The following SGSM1 variants were observed in gnomAD, a reference collection of about 807,000 sequenced individuals.
SGSM1 encodes small G protein signaling modulator 1.
In SGSM1, 73 loss-of-function variants were observed where a neutral mutation model predicts 133.8. That is an observed-to-expected ratio of 0.55 (90% confidence interval 0.45 to 0.66). The LOEUF is 0.66. Ranked by LOEUF, SGSM1 falls within the 30% of genes least tolerant of loss-of-function variation. SGSM1 has a pLI of 0.00. For missense variants in SGSM1, 1,213 were observed against 1,448.1 expected (o/e 0.84, Z 2.64); for synonymous variants, 563 against 573.0 (o/e 0.98, Z 0.25).
At chr22:24,841,053 T>G (rs981678856) in intron 2 of SGSM1, among the ~76,000 whole-genome samples, 5 of 152,164 alleles carry the variant, frequency 3.3e-5, no homozygotes, top group East Asian at 3.9e-4. Flanking sequence ...GGTTTCACCG[T>G]GTTAGCCAAG....
At chr22:24,892,807 G>A (rs1026871233) in intron 16 of SGSM1, among the ~76,000 whole-genome samples, 8 of 151,416 alleles carry the variant, frequency 5.3e-5, no homozygotes, top group South Asian at 4.2e-4. Flanking sequence ...CCAGCACTTT[G>A]GGAGGCTGAG....
At chr22:24,865,576 C>T (rs1931400591) in intron 9 of SGSM1, among the ~76,000 whole-genome samples, 1 of 152,166 alleles carries the variant, frequency 6.6e-6, no homozygotes, top group Non-Finnish European at 1.5e-5. Flanking sequence ...GAGGTAGGAA[C>T]TGGCTAAGGT....
chr22:24,838,222 T>A (rs904292864), intron 2 of SGSM1, among the ~76,000 whole-genome samples: 4 of 152,198 alleles, frequency 2.6e-5, no homozygotes, highest in African/African-American at 7.2e-5. Context: ...AGGGATTTGG[T>A]CTAGGTCCTG....
chr22:24,859,621 G>A (rs141728644), intron 8 of SGSM1, 95 bp from the exon 9 acceptor site: 28 of 1,544,310 alleles, frequency 1.8e-5, no homozygotes, highest in Non-Finnish European at 2.4e-5. Context: ...CAACCTCTTA[G>A]TTCTGATTAT....
At chr22:24,863,916 T>C (rs895249939) in intron 9 of SGSM1, among the ~76,000 whole-genome samples, 1 of 149,088 alleles carries the variant, frequency 6.7e-6, no homozygotes, top group Non-Finnish European at 1.5e-5. Context: ...TAATTTTGTA[T>C]TTTTAGTAGA....
In SGSM1 at chr22:24,886,617, G is replaced by T. The variant is rs200828306; in HGVS notation, c.1659G>T (p.Glu553Asp). The T allele has an allele frequency of 1.8e-5, 28 of 1,552,820 alleles. No individual in the cohort carries two copies. Among genetic ancestry groups the T allele is most frequent in the Non-Finnish European group, 1.7e-5 (19 of 1,147,704 alleles). The change falls in exon 16 of 25, where the codon GAG (glutamate) becomes GAT (aspartate). Residue 553 changes from glutamate (E) to aspartate (D), a missense_variant. Physicochemically the swap from Glu to Asp is conservative, Grantham distance 45. Transcript: ENST00000400358. ...LHDSTSYEEQ[E>D]LLRLIYYGGI... ...CACCACAGAGTTACGAGGAGCAGGA[G>T]CTGCTGCGCCTCATCTACTACGGGG...
At chr22:24,857,400 T>C (rs968199956) in intron 8 of SGSM1, among the ~76,000 whole-genome samples, 1 of 103,540 alleles carries the variant, frequency 9.7e-6, no homozygotes, top group Non-Finnish European at 1.9e-5. Flanking sequence ...AGAGCGAGAC[T>C]CTGTCTCAAA....
intron 22 of SGSM1, among the ~76,000 whole-genome samples, chr22:24,914,162 G>A (rs145832854): frequency 0.031 from 4,753 of 151,968 alleles, 122 homozygotes; most frequent in Admixed American, 0.094. Context: ...GCCTGGTGGC[G>A]GGTGCCTAAA....
intron 14 of SGSM1, among the ~76,000 whole-genome samples, chr22:24,882,102 G>T (rs1268365844): frequency 1.3e-5 from 2 of 151,856 alleles, no homozygotes; most frequent in South Asian, 2.1e-4. Flanking sequence ...TTGAGACAGG[G>T]TCTCGCCTTG....
chr22:24,859,981 C>A, intron 9 of SGSM1, 141 bp downstream of exon 9: 1 of 1,208,524 alleles, frequency 8.3e-7, no homozygotes, highest in Non-Finnish European at 1.2e-6. Flanking sequence ...GACCACTTGG[C>A]TCAGCCTCCC....
intron 5 of SGSM1, among the ~76,000 whole-genome samples, chr22:24,850,901 T>A (rs940285274): frequency 2.6e-5 from 4 of 151,934 alleles, no homozygotes; most frequent in Admixed American, 2.6e-4. Flanking sequence ...ATCAAGACCA[T>A]CCTGACTAAT....
chr22:24,876,047 T>C (rs1018825453), intron 12 of SGSM1, among the ~76,000 whole-genome samples: 2 of 152,230 alleles, frequency 1.3e-5, no homozygotes, highest in African/African-American at 4.8e-5. Context: ...GTTGCTAATA[T>C]GTTTGAGACC....
At chr22:24,840,331 T>G (rs1158003619) in intron 2 of SGSM1, among the ~76,000 whole-genome samples, 1 of 152,110 alleles carries the variant, frequency 6.6e-6, no homozygotes, top group African/African-American at 2.4e-5. Flanking sequence ...TTTTTTAATT[T>G]TTGAATTTTT....
intron 16 of SGSM1, among the ~76,000 whole-genome samples, chr22:24,888,485 G>A (rs1569164290): frequency 6.6e-6 from 1 of 152,036 alleles, no homozygotes; most frequent in Non-Finnish European, 1.5e-5. Flanking sequence ...AAAACAGCTG[G>A]GGCCGGGCAC....
intron 15 of SGSM1, 22 bp downstream of exon 15, chr22:24,884,220 T>C (rs754329206): frequency 2.2e-4 from 348 of 1,602,304 alleles, no homozygotes; most frequent in Non-Finnish European, 2.9e-4. Context: ...CTGGGCTTGG[T>C]CTGCAGTGAT....
intron 19 of SGSM1, among the ~76,000 whole-genome samples, chr22:24,899,021 CAAAAAAAAAAAAA>C (rs11284624): frequency 0.018 from 1,110 of 62,542 alleles, 20 homozygotes; most frequent in Non-Finnish European, 0.027. Flanking sequence ...AGCAAGATCT[CAAAAAAAAAAAAA>C]AAAAAAAAAA....
chr22:24,877,791 ATTCT>A (rs1305678554), intron 13 of SGSM1, among the ~76,000 whole-genome samples: 12 of 117,032 alleles, frequency 1.0e-4, no homozygotes, highest in Admixed American at 6.5e-4. Context: ...ATTACTGGAG[ATTCT>A]TTCTTTCTTT....
Position 24,919,892 on chromosome 22 carries a change from C to T in SGSM1, c.3092C>T (p.Ala1031Val), listed in dbSNP as rs376703589. Reference sequence around the variant, plus strand: ...TGGGCAGCCAAACACGTCTCCTCTGCGCACTACGTCCTGTTCATTGCGCTG... The same window carrying T: ...TGGGCAGCCAAACACGTCTCCTCTGTGCACTACGTCCTGTTCATTGCGCTG... Reference protein sequence around the residue: ...TIWAAKHVSSAHYVLFIALAL... With the variant: ...TIWAAKHVSSVHYVLFIALAL... The change falls in exon 24 of 25, where the codon GCG becomes GTG. Residue 1031 changes from alanine (A) to valine (V), a missense_variant. Transcript: ENST00000400358. 1.3e-5 allele frequency: 21 copies of T among 1,613,950 alleles called. No homozygotes were observed. Among genetic ancestry groups the T allele is most frequent in the East Asian group, 8.9e-5 (4 of 44,896 alleles).
intron 19 of SGSM1, among the ~76,000 whole-genome samples, chr22:24,900,385 T>TTCTTTCTG (rs1263874476): frequency 2.8e-5 from 2 of 71,342 alleles, no homozygotes; most frequent in African/African-American, 1.1e-4. Flanking sequence ...CTTTCTTTCT[T>TTCTTTCTG]TCTTTCTTTC....
Sources: gnomAD v4.1 joint callset for allele counts (sites outside exome capture counted in the v4.1 genomes callset) on GRCh38, gnomAD v4.1.1 for gene constraint, MANE v1.5 for transcripts, NCBI Gene and HGNC (gene_info 2026-07-23, HGNC 2026-07-21) for gene names.